The following CA10 variants were observed in gnomAD, a reference collection of about 807,000 sequenced individuals.
CA10 encodes carbonic anhydrase 10 (inactive).
In CA10, 14 loss-of-function variants were observed where a neutral mutation model predicts 44.2. The ratio of observed to expected loss-of-function variants is 0.32; its 90% CI spans 0.21 to 0.50. CA10 has a LOEUF of 0.50. Among genes scored for constraint, CA10 ranks in the 20% least tolerant of loss-of-function variants. The pLI, the probability that CA10 is intolerant of heterozygous loss-of-function variation, is 0.99. For synonymous variants in CA10, 159 were observed against 141.6 expected (o/e 1.12, Z -0.87); for missense variants, 350 against 409.7 (o/e 0.85, Z 1.26).
chr17:51,970,444 G>A (rs1053783438), intron 2 of CA10, among the ~76,000 whole-genome samples: 4 of 152,094 alleles, frequency 2.6e-5, no homozygotes, highest in East Asian at 3.9e-4. Flanking sequence ...TCTAAAAATC[G>A]GAATTAAAAG....
chr17:51,781,979 T>C (rs1402297801), intron 3 of CA10, among the ~76,000 whole-genome samples: 2 of 152,218 alleles, frequency 1.3e-5, no homozygotes, highest in East Asian at 3.8e-4. Flanking sequence ...GTGGCAGGAC[T>C]GGGATTTGAC....
chr17:52,002,586 A>G (rs1598161024), intron 2 of CA10, among the ~76,000 whole-genome samples: 1 of 151,996 alleles, frequency 6.6e-6, no homozygotes, highest in African/African-American at 2.4e-5. Context: ...AATAATGAGC[A>G]TGCACTATAT....
intron 2 of CA10, among the ~76,000 whole-genome samples, chr17:52,068,939 T>A (rs1041418991): frequency 6.6e-6 from 1 of 152,180 alleles, no homozygotes; most frequent in Non-Finnish European, 1.5e-5. Flanking sequence ...TTGGCTCACA[T>A]GATGGCTGGC....
intron 3 of CA10, among the ~76,000 whole-genome samples, chr17:51,809,289 C>T (rs1362929730): frequency 6.6e-6 from 1 of 152,144 alleles, no homozygotes; most frequent in Non-Finnish European, 1.5e-5. Context: ...TTTCTAAACA[C>T]CTATTATGTG....
At chr17:52,117,056 A>G (rs1268497252) in intron 1 of CA10, among the ~76,000 whole-genome samples, 2 of 152,234 alleles carry the variant, frequency 1.3e-5, no homozygotes, top group Non-Finnish European at 2.9e-5. Flanking sequence ...AAGAGAGCTC[A>G]GCTTAATTAG....
intron 2 of CA10, among the ~76,000 whole-genome samples, chr17:51,939,165 A>T (rs548242820): frequency 2.6e-5 from 4 of 152,206 alleles, no homozygotes; most frequent in African/African-American, 9.6e-5. Flanking sequence ...GTTCTTTTCT[A>T]AAAAAGAAGT....
intron 4 of CA10, among the ~76,000 whole-genome samples, chr17:51,729,362 C>T (rs1916637160): frequency 6.6e-6 from 1 of 152,022 alleles, no homozygotes; most frequent in South Asian, 2.1e-4. Flanking sequence ...TGTATCACCA[C>T]ACACACATGC....
chr17:52,014,641 A>G (rs1233903925), intron 2 of CA10, among the ~76,000 whole-genome samples: 1 of 152,098 alleles, frequency 6.6e-6, no homozygotes, highest in Non-Finnish European at 1.5e-5. Flanking sequence ...TTAACATTTT[A>G]AATCGTCTGT....
At chr17:51,725,467 A>G (rs1388745999) in intron 4 of CA10, among the ~76,000 whole-genome samples, 1 of 152,148 alleles carries the variant, frequency 6.6e-6, no homozygotes, top group Non-Finnish European at 1.5e-5. Flanking sequence ...GCATATCAAC[A>G]AGGCAAGGAA....
chr17:51,691,437 G>A (rs1915188564), intron 4 of CA10, among the ~76,000 whole-genome samples: 1 of 152,070 alleles, frequency 6.6e-6, no homozygotes, highest in African/African-American at 2.4e-5. Flanking sequence ...CTACTATTGA[G>A]TTGCTTGAGC....
At chr17:51,735,811 T>C (rs1916883279) in intron 4 of CA10, among the ~76,000 whole-genome samples, 1 of 135,626 alleles carries the variant, frequency 7.4e-6, no homozygotes. Flanking sequence ...AATTCTACTG[T>C]ATAACTTAAA....
At chr17:51,702,994 A>G (rs569762754) in intron 4 of CA10, among the ~76,000 whole-genome samples, 1 of 152,124 alleles carries the variant, frequency 6.6e-6, no homozygotes, top group Admixed American at 6.5e-5. Flanking sequence ...TTCAATTTTG[A>G]GTGTTCTGTA....
intron 3 of CA10, among the ~76,000 whole-genome samples, chr17:51,910,720 T>C (rs1981758552): frequency 6.6e-6 from 1 of 152,028 alleles, no homozygotes; most frequent in Admixed American, 6.6e-5. Context: ...GGAAGCAAGG[T>C]TTTTCCTAGC....
Position 51,662,536 on chromosome 17 carries a change from C to G in CA10, c.466-8800G>C, listed in dbSNP as rs188354635. On this transcript the variant is annotated intron_variant, in intron 4 of 8. Coordinates refer to ENST00000451037, the MANE Select transcript of CA10 (RefSeq NM_020178.5). ...GTGTTCTGTATTTGAGGGGAGATCA[C>G]ATTTCAGCAGCTTTTGCTGGAACAA... 6.6e-5 allele frequency among the ~76,000 whole-genome samples: 10 copies of G among 152,316 alleles called. No homozygotes were observed. The East Asian group carries it at 1.7e-3, about 26-fold the overall frequency.
At chr17:52,045,909 T>G (rs1986899673) in intron 2 of CA10, among the ~76,000 whole-genome samples, 1 of 151,922 alleles carries the variant, frequency 6.6e-6, no homozygotes, top group African/African-American at 2.4e-5. Flanking sequence ...AGAAATGAAC[T>G]AGATATGAGT....
chr17:51,944,682 G>A (rs1057250270), intron 2 of CA10, among the ~76,000 whole-genome samples: 10 of 151,784 alleles, frequency 6.6e-5, no homozygotes, highest in Admixed American at 1.3e-4. Context: ...GCACTGGAGG[G>A]ACAAAAAAAT....
chr17:51,823,320 A>G (rs539414258), intron 3 of CA10, among the ~76,000 whole-genome samples: 51 of 152,340 alleles, frequency 3.3e-4, no homozygotes, highest in Non-Finnish European at 5.4e-4. Context: ...TATGCACTCA[A>G]GTCACTGCAG....
intron 1 of CA10, among the ~76,000 whole-genome samples, chr17:52,073,730 T>C (rs1166493463): frequency 6.6e-6 from 1 of 152,134 alleles, no homozygotes; most frequent in Non-Finnish European, 1.5e-5. Flanking sequence ...CCATAGCCCT[T>C]GAGGAAGATC....
chr17:51,791,076 G>A (rs555910320), intron 3 of CA10, among the ~76,000 whole-genome samples: 2 of 152,266 alleles, frequency 1.3e-5, no homozygotes, highest in African/African-American at 2.4e-5. Context: ...AAATGAGAAC[G>A]AAGATACATA....
Sources: allele counts gnomAD v4.1 joint callset (sites outside exome capture counted in the v4.1 genomes callset), GRCh38; gene constraint gnomAD v4.1.1; transcripts MANE v1.5; gene names NCBI Gene and HGNC (gene_info 2026-07-23, HGNC 2026-07-21).